The following ABCD2 variants were observed in gnomAD, a reference collection of about 807,000 sequenced individuals.
ABCD2 encodes ATP binding cassette subfamily D member 2, also known as ATP-binding cassette sub-family D member 2.
A neutral mutation model predicts 70.9 loss-of-function variants in ABCD2; 36 were observed. The ratio of observed to expected loss-of-function variants is 0.51; its 90% CI spans 0.39 to 0.67. The LOEUF is 0.67. Ranked by LOEUF, ABCD2 falls within the 30% of genes least tolerant of loss-of-function variation. The pLI, the probability that ABCD2 is intolerant of heterozygous loss-of-function variation, is 0.00. For missense variants in ABCD2, 729 were observed against 890.2 expected (o/e 0.82, Z 2.30); for synonymous variants, 304 against 306.9 (o/e 0.99, Z 0.10).
intron 7 of ABCD2, 145 bp from the exon 8 acceptor site, chr12:39,579,764 C>T: frequency 1.7e-6 from 1 of 578,318 alleles, no homozygotes; most frequent in Non-Finnish European, 2.9e-6. Flanking sequence ...GGATAAACTA[C>T]AGAGCCTCAT....
At chr12:39,589,423 G>C (rs1327565095) in intron 6 of ABCD2, among the ~76,000 whole-genome samples, 2 of 101,054 alleles carry the variant, frequency 2.0e-5, no homozygotes, top group African/African-American at 8.0e-5. Flanking sequence ...GTCTCGCTTT[G>C]TCGCCCAGGC....
chr12:39,534,281 T>A, the ABCD2 span, among the ~76,000 whole-genome samples: 1,663 of 152,292 alleles, frequency 0.011, 37 homozygotes, highest in African/African-American at 0.036. Flanking sequence ...CAACTTATTA[T>A]CTTCAGTTAA....
intron 2 of ABCD2, among the ~76,000 whole-genome samples, chr12:39,611,279 G>T (rs1942041186): frequency 6.6e-6 from 1 of 152,146 alleles, no homozygotes; most frequent in Non-Finnish European, 1.5e-5. Flanking sequence ...TGTAATGAAA[G>T]TTCCACACTA....
chr12:39,600,462 C>T, intron 6 of ABCD2, 109 bp downstream of exon 6: 2 of 1,081,372 alleles, frequency 1.8e-6, no homozygotes, highest in South Asian at 2.1e-5. Context: ...TTAATAGTTT[C>T]TCTTAATAAA....
chr12:39,553,720 T>C lies in ABCD2; in HGVS notation c.*192A>G. The stretch of plus-strand genomic sequence containing the variant: ...AGGAATTAGTATAAGTCATAATGAC[T>C]GACCTTACATAATGCATTTGTTTAT... On this transcript the variant is annotated 3_prime_UTR_variant, in exon 10 of 10. Coordinates refer to ENST00000308666, the MANE Select transcript of ABCD2 (RefSeq NM_005164.4). 1 of 560,240 alleles carries C rather than the reference T, an allele frequency of 1.8e-6. No individual in the cohort carries two copies. The highest frequency in any genetic ancestry group is 2.4e-5 in the South Asian group (1 of 41,970). 34.7% of individuals were successfully genotyped at this position (560,240 alleles called of 1,614,324 possible). A position where few individuals can be genotyped will look rare whatever the true frequency, so the allele number is the denominator to read the frequency against.
chr12:39,594,310 C>A (rs1366225603), intron 6 of ABCD2, among the ~76,000 whole-genome samples: 1 of 151,606 alleles, frequency 6.6e-6, no homozygotes, highest in African/African-American at 2.4e-5. Context: ...GATACTAATA[C>A]CAACTTTATA....
At chr12:39,586,642 T>C (rs560478843) in intron 6 of ABCD2, among the ~76,000 whole-genome samples, 1 of 152,270 alleles carries the variant, frequency 6.6e-6, no homozygotes, top group East Asian at 1.9e-4. Context: ...TGATTCCTCC[T>C]AACTTGGCCT....
chr12:39,616,770 C>G (rs1942120735), intron 2 of ABCD2, among the ~76,000 whole-genome samples: 1 of 152,072 alleles, frequency 6.6e-6, no homozygotes, highest in African/African-American at 2.4e-5. Context: ...TCAGAGATCT[C>G]TGAAATAGCT....
intron 9 of ABCD2, among the ~76,000 whole-genome samples, chr12:39,570,698 G>C (rs1386771727): frequency 6.6e-6 from 1 of 152,104 alleles, no homozygotes; most frequent in Non-Finnish European, 1.5e-5. Flanking sequence ...TTTGGGCAAC[G>C]AGTTTTGGAT....
chr12:39,544,140 G>A, the ABCD2 span, among the ~76,000 whole-genome samples: 5 of 152,250 alleles, frequency 3.3e-5, no homozygotes, highest in East Asian at 9.6e-4. Context: ...TGGTGGGTGG[G>A]GGGAAGCCAG....
downstream of ABCD2, chr12:39,549,912 G>A (rs1220639001): frequency 1.3e-5 from 2 of 151,630 alleles, no homozygotes; most frequent in African/African-American, 2.4e-5. Context: ...CAAAGATTTG[G>A]TGAAGTCTGT....
At chr12:39,575,966 C>T (rs1220619174) in intron 8 of ABCD2, among the ~76,000 whole-genome samples, 1 of 152,146 alleles carries the variant, frequency 6.6e-6, no homozygotes, top group Non-Finnish European at 1.5e-5. Flanking sequence ...ATGCCACTTG[C>T]TATTTATTAC....
intron 6 of ABCD2, among the ~76,000 whole-genome samples, chr12:39,588,389 A>C (rs926035689): frequency 6.6e-5 from 10 of 152,178 alleles, no homozygotes; most frequent in Admixed American, 2.0e-4. Context: ...TAACCAGATG[A>C]GTCCTAAATC....
chr12:39,596,586 A>G (rs1010263523), intron 6 of ABCD2, among the ~76,000 whole-genome samples: 2 of 152,150 alleles, frequency 1.3e-5, no homozygotes, highest in African/African-American at 2.4e-5. Context: ...CAGACTCCAA[A>G]GTCATGGGTG....
At position 39,619,710 on chromosome 12, in the gene ABCD2, C is replaced by T. The variant is rs575858112; in HGVS notation, c.-95G>A. 1.4e-5 allele frequency: 15 copies of T among 1,095,160 alleles called. No individual in the cohort carries two copies. The highest frequency in any genetic ancestry group is 2.2e-4 in the Middle Eastern group (1 of 4,508). 67.8% of individuals were successfully genotyped at this position (1,095,160 alleles called of 1,614,324 possible). On this transcript the variant is annotated 5_prime_UTR_variant, in exon 1 of 10. Coordinates refer to ENST00000308666, the MANE Select transcript of ABCD2 (RefSeq NM_005164.4). ...GCAAATGTTTTAGAAAGTCCTACAG[C>T]GTCCCATAGTCTGCAGCGTTTCTCT...
rs553515074 is a variant in ABCD2 at position 39,554,573 on chromosome 12, T to A, written c.2004-442A>T. On this transcript the variant is annotated intron_variant, in intron 9 of 9. Coordinates refer to ENST00000308666, the MANE Select transcript of ABCD2 (RefSeq NM_005164.4). ...AATACACCATCCTTTGGGAATGAGT[T>A]CTTCTGCATAAGTAAAATTTTCTCA... 5.9e-5 allele frequency among the ~76,000 whole-genome samples: 9 copies of A among 152,296 alleles called. No homozygotes were observed. In the South Asian group the frequency reaches 1.9e-3, roughly 32 times the overall value.
rs556151144 is a variant in ABCD2, at chr12:39,573,630, C to T, written c.2003+86G>A. The stretch of plus-strand genomic sequence containing the variant: ...TAGAAAATAAGTGAAATACCCTACC[C>T]TCTACTGTGAAAAATTTAGCAAAGT... On this transcript the variant is annotated intron_variant, in intron 9 of 9. Transcript: ENST00000308666. 1.4e-5 allele frequency: 21 copies of T among 1,483,702 alleles called. No homozygotes were observed. The African/African-American group carries it at 2.1e-4, about 15-fold the overall frequency. 91.9% of individuals were successfully genotyped at this position (1,483,702 alleles called of 1,614,324 possible).
chr12:39,563,730 CTCA>C (rs1211864593), intron 9 of ABCD2, among the ~76,000 whole-genome samples: 5 of 152,120 alleles, frequency 3.3e-5, no homozygotes, highest in South Asian at 2.1e-4. Flanking sequence ...CACCCATTAA[CTCA>C]TCATTTAACA....
intron 9 of ABCD2, among the ~76,000 whole-genome samples, chr12:39,571,255 G>A (rs1452330246): frequency 6.6e-6 from 1 of 152,102 alleles, no homozygotes; most frequent in Non-Finnish European, 1.5e-5. Context: ...GTATGTCAAA[G>A]AGATAACTGC....
Sources: allele counts gnomAD v4.1 joint callset (sites outside exome capture counted in the v4.1 genomes callset), GRCh38; gene constraint gnomAD v4.1.1; transcripts MANE v1.5; gene names NCBI Gene and HGNC (gene_info 2026-07-23, HGNC 2026-07-21).